Variants in GPC6 observed in about 807,000 individuals in gnomAD.
The protein encoded by GPC6 is glypican 6.
GPC6 carries 14 observed loss-of-function variants against 55.2 expected under a neutral mutation model. That is an observed-to-expected ratio of 0.25 (90% CI 0.17 to 0.40). The LOEUF is 0.40. Among genes scored for constraint, GPC6 ranks in the 10% least tolerant of loss-of-function variants. The probability of loss-of-function intolerance (pLI) is 1.00; values close to 1 mark genes in which losing one functional copy is unlikely to be tolerated. For missense variants in GPC6, 641 were observed against 708.5 expected (o/e 0.90, Z 1.08); for synonymous variants, 278 against 259.6 (o/e 1.07, Z -0.68).
chr13:93,424,510 C>T (rs1342595583), intron 1 of GPC6, among the ~76,000 whole-genome samples: 7 of 152,086 alleles, frequency 4.6e-5, no homozygotes, highest in Admixed American at 1.3e-4. Context: ...ACACCTACTA[C>T]GCAGTGCAAC....
At chr13:93,535,492 A>G (rs944448166) in intron 1 of GPC6, among the ~76,000 whole-genome samples, 9 of 152,138 alleles carry the variant, frequency 5.9e-5, no homozygotes, top group Non-Finnish European at 2.9e-5. Flanking sequence ...ATGCCAAAGT[A>G]GTCATAGACA....
intron 1 of GPC6, among the ~76,000 whole-genome samples, chr13:93,530,249 C>T (rs1594240076): frequency 6.6e-6 from 1 of 152,152 alleles, no homozygotes; most frequent in South Asian, 2.1e-4. Context: ...CCTTGGTTCA[C>T]CTTGTCATGA....
intron 2 of GPC6, among the ~76,000 whole-genome samples, chr13:93,732,399 T>G (rs1883858027): frequency 6.6e-6 from 1 of 152,134 alleles, no homozygotes; most frequent in Non-Finnish European, 1.5e-5. Context: ...ATTTTGTTTA[T>G]CTCAAGTGAA....
At chr13:94,090,716 A>T (rs966555934) in intron 4 of GPC6, among the ~76,000 whole-genome samples, 1 of 152,160 alleles carries the variant, frequency 6.6e-6, no homozygotes, top group Non-Finnish European at 1.5e-5. Flanking sequence ...GGATATTATT[A>T]TGATGATCTC....
At chr13:93,443,265 A>T (rs1566360264) in intron 1 of GPC6, among the ~76,000 whole-genome samples, 1 of 152,230 alleles carries the variant, frequency 6.6e-6, no homozygotes, top group South Asian at 2.1e-4. Context: ...TATTTGATGT[A>T]TGGAGTCACC....
chr13:94,083,707 A>G (rs1175945613), intron 4 of GPC6, among the ~76,000 whole-genome samples: 9 of 152,092 alleles, frequency 5.9e-5, no homozygotes, highest in Non-Finnish European at 8.8e-5. Context: ...GATGTTATAT[A>G]TCATTAAGAT....
intron 2 of GPC6, among the ~76,000 whole-genome samples, chr13:93,700,532 G>C (rs1882631850): frequency 6.6e-6 from 1 of 152,078 alleles, no homozygotes; most frequent in South Asian, 2.1e-4. Context: ...TGCTGCTCCT[G>C]TCTGACCTTT....
chr13:93,433,430 G>T (rs1305048461), intron 1 of GPC6, among the ~76,000 whole-genome samples: 1 of 152,170 alleles, frequency 6.6e-6, no homozygotes, highest in African/African-American at 2.4e-5. Context: ...GTAAATAAAT[G>T]TGGAAGGAGA....
chr13:93,226,142 G>C (rs1031316498), upstream of GPC6, among the ~76,000 whole-genome samples: 2 of 152,078 alleles, frequency 1.3e-5, no homozygotes, highest in African/African-American at 4.8e-5. Context: ...TACTATGTGA[G>C]GGCATCTAGT....
intron 1 of GPC6, among the ~76,000 whole-genome samples, chr13:93,471,082 A>G (rs771279983): frequency 1.3e-5 from 2 of 151,878 alleles, no homozygotes; most frequent in Non-Finnish European, 2.9e-5. Flanking sequence ...GATATTCTCA[A>G]TTGCTTTTGA....
intron 3 of GPC6, among the ~76,000 whole-genome samples, chr13:94,017,092 C>T (rs1325996385): frequency 2.0e-5 from 3 of 152,184 alleles, no homozygotes; most frequent in Non-Finnish European, 4.4e-5. Flanking sequence ...CTTGGCCTCC[C>T]AAAGTGCTGG....
intron 4 of GPC6, among the ~76,000 whole-genome samples, chr13:94,118,210 G>A (rs1296737749): frequency 2.0e-5 from 3 of 151,968 alleles, no homozygotes; most frequent in African/African-American, 4.8e-5. Context: ...GGAATCATAG[G>A]GGCAGTTTCC....
At chr13:94,103,066 G>A (rs893338011) in intron 4 of GPC6, among the ~76,000 whole-genome samples, 3 of 152,122 alleles carry the variant, frequency 2.0e-5, no homozygotes, top group African/African-American at 4.8e-5. Flanking sequence ...GCCCCGGTGT[G>A]TGATGTTCCC....
intron 3 of GPC6, among the ~76,000 whole-genome samples, chr13:93,963,965 G>A (rs1879904096): frequency 6.6e-6 from 1 of 152,094 alleles, no homozygotes; most frequent in Admixed American, 6.6e-5. Flanking sequence ...ATTTCAGATG[G>A]CACACTGTCA....
At chr13:93,393,032 G>A (rs946886121) in intron 1 of GPC6, among the ~76,000 whole-genome samples, 15 of 149,958 alleles carry the variant, frequency 1.0e-4, no homozygotes, top group African/African-American at 3.2e-4. Context: ...ATCATTTATT[G>A]TTAATTAAAT....
At chr13:94,001,854 C>G (rs9301923) in intron 3 of GPC6, among the ~76,000 whole-genome samples, 152,334 of 152,334 alleles carry the variant, frequency 1, 76,167 homozygotes, top group Non-Finnish European at 1. Flanking sequence ...CACCATTGCA[C>G]AAGAGGGAAA....
intron 3 of GPC6, among the ~76,000 whole-genome samples, chr13:93,882,978 G>T (rs1875088902): frequency 1.3e-5 from 2 of 152,138 alleles, no homozygotes; most frequent in African/African-American, 4.8e-5. Flanking sequence ...CTTACCAGAG[G>T]TTTTTAATTT....
Position 93,645,247 on chromosome 13 carries a change from GTT to G in GPC6, c.319+99840_319+99841del, listed in dbSNP as rs11341783. 9.0e-3 allele frequency among the ~76,000 whole-genome samples: 1,304 copies of G among 144,726 alleles called. 12 individuals are homozygous for G. The highest frequency in any genetic ancestry group is 0.028 in the African/African-American group (1,088 of 39,174). 94.9% of individuals were successfully genotyped at this position (144,726 alleles called of 152,430 possible). ...AAGTAAAATGCAATGAGAGCCTACTGTTTTTTTTTTTTTTTAACTGGGTACTT... is the reference window on the plus strand; with the variant it reads ...AAGTAAAATGCAATGAGAGCCTACTGTTTTTTTTTTTTTAACTGGGTACTT... On this transcript the variant is annotated intron_variant, in intron 2 of 8. Transcript: ENST00000377047.
chr13:93,820,996 A>G (rs1887027384), intron 2 of GPC6, among the ~76,000 whole-genome samples: 1 of 152,180 alleles, frequency 6.6e-6, no homozygotes, highest in African/African-American at 2.4e-5. Flanking sequence ...GCAGACTAAT[A>G]ATTAAACTGT....
Sources: allele counts gnomAD v4.1 joint callset (sites outside exome capture counted in the v4.1 genomes callset), GRCh38; gene constraint gnomAD v4.1.1; transcripts MANE v1.5; gene names NCBI Gene and HGNC (gene_info 2026-07-23, HGNC 2026-07-21).